PTPRD: variants seen among roughly 807,000 people sequenced by gnomAD.
The protein encoded by PTPRD is protein tyrosine phosphatase receptor type D.
A neutral mutation model predicts 214.5 loss-of-function variants in PTPRD; 34 were observed. The observed-to-expected ratio is 0.16, with a 90% confidence interval of 0.12 to 0.21. PTPRD has a LOEUF of 0.21. Among genes scored for constraint, PTPRD ranks in the 10% least tolerant of loss-of-function variants. PTPRD has a pLI of 1.00. For missense variants in PTPRD, 2,545 were observed against 2,398.7 expected (o/e 1.06, Z -1.27); for synonymous variants, 1,128 against 845.7 (o/e 1.33, Z -5.79).
chr9:8,670,794 C>A (rs1370714838), intron 12 of PTPRD, among the ~76,000 whole-genome samples: 1 of 152,126 alleles, frequency 6.6e-6, no homozygotes, highest in Non-Finnish European at 1.5e-5. Flanking sequence ...TGGATGACCA[C>A]TGGGTATGTG....
chr9:8,922,820 T>C (rs925572991), intron 11 of PTPRD, among the ~76,000 whole-genome samples: 9 of 150,872 alleles, frequency 6.0e-5, no homozygotes, highest in African/African-American at 2.2e-4. Context: ...CTAATTTTTT[T>C]TTTTTTTTGT....
chr9:9,859,704 T>C (rs774970422), intron 5 of PTPRD, among the ~76,000 whole-genome samples: 15 of 152,154 alleles, frequency 9.9e-5, no homozygotes, highest in Non-Finnish European at 1.9e-4. Context: ...GCTCCTGAGA[T>C]CTAGTCTCAT....
chr9:9,957,152 AT>A (rs2093992508), intron 4 of PTPRD, among the ~76,000 whole-genome samples: 1 of 152,172 alleles, frequency 6.6e-6, no homozygotes, highest in Admixed American at 6.5e-5. Context: ...AATAAATCCC[AT>A]TTATATGTAT....
chr9:10,576,218 T>G (rs1333439998), intron 2 of PTPRD, among the ~76,000 whole-genome samples: 3 of 152,138 alleles, frequency 2.0e-5, no homozygotes, highest in Non-Finnish European at 4.4e-5. Flanking sequence ...TTTTCCATCA[T>G]AAGTTGTAAC....
intron 5 of PTPRD, among the ~76,000 whole-genome samples, chr9:9,892,025 A>C (rs1016416695): frequency 6.6e-6 from 1 of 152,156 alleles, no homozygotes; most frequent in Non-Finnish European, 1.5e-5. Context: ...TAAGTTGAGA[A>C]GTCACTAAAC....
chr9:10,248,347 ACCT>A (rs1456277421), intron 3 of PTPRD, among the ~76,000 whole-genome samples: 2 of 152,036 alleles, frequency 1.3e-5, no homozygotes, highest in East Asian at 3.9e-4. Flanking sequence ...CCATTCTACA[ACCT>A]CTAAGTTAGG....
At chr9:9,249,306 G>A (rs573886777) in intron 9 of PTPRD, among the ~76,000 whole-genome samples, 20 of 152,088 alleles carry the variant, frequency 1.3e-4, no homozygotes, top group Middle Eastern at 3.4e-3. Flanking sequence ...AGAATCAGAC[G>A]CTGGTGCCCT....
intron 3 of PTPRD, among the ~76,000 whole-genome samples, chr9:10,110,998 G>C (rs1334862115): frequency 6.6e-6 from 1 of 151,982 alleles, no homozygotes; most frequent in African/African-American, 2.4e-5. Context: ...TTGTCTTTCT[G>C]GATTCAACAC....
At chr9:9,402,583 G>A (rs1314755116) in intron 8 of PTPRD, among the ~76,000 whole-genome samples, 2 of 151,976 alleles carry the variant, frequency 1.3e-5, no homozygotes, top group Admixed American at 6.6e-5. Context: ...AAACACATGA[G>A]GAAATCTTGA....
At chr9:10,230,412 C>CTATCTATG (rs56026644) in intron 3 of PTPRD, among the ~76,000 whole-genome samples, 8,940 of 126,208 alleles carry the variant, frequency 0.071, 356 homozygotes, top group Non-Finnish European at 0.091. Flanking sequence ...CTCTATGTAT[C>CTATCTATG]TATCTATGTA....
At chr9:9,227,396 T>A (rs980354097) in intron 9 of PTPRD, among the ~76,000 whole-genome samples, 2 of 152,146 alleles carry the variant, frequency 1.3e-5, no homozygotes, top group Non-Finnish European at 2.9e-5. Context: ...AGAAAATATC[T>A]CCAGGTCTGA....
At chr9:9,409,708 A>G (rs2074736298) in intron 8 of PTPRD, among the ~76,000 whole-genome samples, 1 of 152,086 alleles carries the variant, frequency 6.6e-6, no homozygotes, top group African/African-American at 2.4e-5. Flanking sequence ...GAAATCGTAG[A>G]AAAGCCCAGG....
At chr9:10,315,647 T>C (rs1214774486) in intron 3 of PTPRD, among the ~76,000 whole-genome samples, 1 of 151,980 alleles carries the variant, frequency 6.6e-6, no homozygotes, top group East Asian at 1.9e-4. Context: ...ATCCTTAATA[T>C]GTCTCCTAAG....
At chr9:10,148,310 T>A (rs1309397940) in intron 3 of PTPRD, among the ~76,000 whole-genome samples, 1 of 152,214 alleles carries the variant, frequency 6.6e-6, no homozygotes, top group Non-Finnish European at 1.5e-5. Context: ...GACCTATTAA[T>A]AATCATTTAT....
chr9:10,589,923 AAATTT>A (rs2075006944), intron 2 of PTPRD, among the ~76,000 whole-genome samples: 1 of 152,104 alleles, frequency 6.6e-6, no homozygotes, highest in Non-Finnish European at 1.5e-5. Context: ...TTTTAAAAAC[AAATTT>A]AATTTGTTAT....
At chr9:8,855,736 T>A (rs2097903821) in intron 11 of PTPRD, among the ~76,000 whole-genome samples, 2 of 151,780 alleles carry the variant, frequency 1.3e-5, no homozygotes, top group African/African-American at 4.8e-5. Context: ...CACATTGGAG[T>A]CCATCTATTT....
rs563575854 is a variant in PTPRD, at chr9:8,791,266, C to G, written c.-103-57320G>C. On this transcript the variant is annotated intron_variant, in intron 11 of 45. Transcript: ENST00000381196. ...TTTGAGACAGAGTCTCGCTCTGTTG[C>G]CCAGGCTGGAGTGCAGTGGCGTGAT... 1.1e-4 allele frequency among the ~76,000 whole-genome samples: 16 copies of G among 152,060 alleles called. 1 individual carries two copies. In the South Asian group the frequency reaches 3.3e-3, roughly 32 times the overall value.
chr9:8,486,018 G>A lies in PTPRD; in HGVS notation c.2799C>T (p.Thr933=), dbSNP rs2135939073. ...GTGGTTGCCAAGATAACTGGACGGA[G>A]GTTGAAGTGGTGCCTTCTGAGTGAA... ...QNLHSEGTTS[T]SVQLSWQPPV... The change falls in exon 28 of 46, where the codon ACC becomes ACT. Residue 933 remains threonine, a synonymous_variant. Coordinates refer to ENST00000381196, the MANE Select transcript of PTPRD (RefSeq NM_002839.4). 6.2e-7 allele frequency: 1 copy of A among 1,614,176 alleles called. No individual in the cohort carries two copies. Among genetic ancestry groups the A allele is most frequent in the Non-Finnish European group, 8.5e-7 (1 of 1,180,024 alleles).
chr9:10,551,415 T>C (rs944460532), intron 2 of PTPRD, among the ~76,000 whole-genome samples: 1 of 152,132 alleles, frequency 6.6e-6, no homozygotes, highest in Non-Finnish European at 1.5e-5. Flanking sequence ...TTTGAATGTC[T>C]ATGTTCCTCA....
Sources: gnomAD v4.1 joint callset for allele counts (sites outside exome capture counted in the v4.1 genomes callset) on GRCh38, gnomAD v4.1.1 for gene constraint, MANE v1.5 for transcripts, NCBI Gene and HGNC (gene_info 2026-07-23, HGNC 2026-07-21) for gene names.